Variants in LDLRAP1 observed in about 807,000 individuals in gnomAD.
The protein encoded by LDLRAP1 is low density lipoprotein receptor adaptor protein 1.
A neutral mutation model predicts 37.8 loss-of-function variants in LDLRAP1; 30 were observed. That is an observed-to-expected ratio of 0.79 (90% CI 0.59 to 1.08). The LOEUF (loss-of-function observed/expected upper bound fraction) is 1.08. Among genes scored for constraint, LDLRAP1 ranks in the 50% least tolerant of loss-of-function variants. The probability of loss-of-function intolerance (pLI) is 0.00; values close to 1 mark genes in which losing one functional copy is unlikely to be tolerated. For synonymous variants in LDLRAP1, 156 were observed against 169.8 expected, an observed-to-expected ratio of 0.92 and a Z score of 0.63; for missense variants, 375 against 401.6, an observed-to-expected ratio of 0.93 and a Z score of 0.57.
chr1:25,571,193 G>C (rs1372991535), downstream of LDLRAP1, among the ~76,000 whole-genome samples: 1 of 152,238 alleles, frequency 6.6e-6, no homozygotes, highest in Non-Finnish European at 1.5e-5. Flanking sequence ...GACACTGGAA[G>C]CTGCTGGCCA....
chr1:25,576,727 C>A, the LDLRAP1 span, among the ~76,000 whole-genome samples: 1 of 152,366 alleles, frequency 6.6e-6, no homozygotes, highest in African/African-American at 2.4e-5. Flanking sequence ...CCTAACCCAA[C>A]ACACCATCCA....
the LDLRAP1 span, among the ~76,000 whole-genome samples, chr1:25,582,933 G>A: frequency 7.1e-4 from 108 of 151,644 alleles, no homozygotes; most frequent in Admixed American, 1.2e-3. Flanking sequence ...TTAGCTAGGC[G>A]TGGTGACGCA....
the LDLRAP1 span, among the ~76,000 whole-genome samples, chr1:25,581,260 C>T: frequency 6.6e-6 from 1 of 152,124 alleles, no homozygotes; most frequent in Non-Finnish European, 1.5e-5. Flanking sequence ...ACTAGGAGGG[C>T]AGCTGAATTC....
rs146324847 is a variant in LDLRAP1 at position 25,563,647 on chromosome 1, C to G, written c.617-14C>G. 120 of 1,613,056 alleles carry G rather than the reference C, an allele frequency of 7.4e-5. 1 individual carries two copies. The African/African-American group carries it at 1.3e-3, about 18-fold the overall frequency. The stretch of plus-strand genomic sequence containing the variant: ...GCTGATCTCCCACTGACAACCTGAC[C>G]GGATCCCTCACAGTGGTCGCCACTG... On this transcript the variant is annotated splice_polypyrimidine_tract_variant and intron_variant, in intron 6 of 8. Coordinates refer to ENST00000374338, the MANE Select transcript of LDLRAP1 (RefSeq NM_015627.3).
In LDLRAP1 at chr1:25,567,289, G is replaced by A. The variant is rs532518921; in HGVS notation, c.*297G>A. ...GCGTGACATGTGCAGTGCTGTAATCGGCTCCCGCTTGCTCTCCTGGAGCAA... is the reference window on the plus strand; with the variant it reads ...GCGTGACATGTGCAGTGCTGTAATCAGCTCCCGCTTGCTCTCCTGGAGCAA... On this transcript the variant is annotated 3_prime_UTR_variant, in exon 9 of 9. Transcript: ENST00000374338. 8.7e-5 allele frequency: 40 copies of A among 460,692 alleles called. No individual in the cohort carries two copies. The highest frequency in any genetic ancestry group is 5.7e-4 in the African/African-American group (29 of 50,592). 28.5% of individuals were successfully genotyped at this position (460,692 alleles called of 1,614,324 possible).
At chr1:25,559,759 T>C (rs1572045411) in intron 4 of LDLRAP1, among the ~76,000 whole-genome samples, 2 of 152,286 alleles carry the variant, frequency 1.3e-5, no homozygotes, top group East Asian at 3.9e-4. Context: ...TCCTAGATTC[T>C]TGGGCTAAGT....
chr1:25,566,749 CAT>C, intron 8 of LDLRAP1, 97 bp from the exon 9 acceptor site: 1 of 1,447,346 alleles, frequency 6.9e-7, no homozygotes. Context: ...CTTCTTGGGC[CAT>C]GTGCCCTGCT....
chr1:25,584,130 C>T, the LDLRAP1 span, among the ~76,000 whole-genome samples: 1 of 152,078 alleles, frequency 6.6e-6, no homozygotes, highest in African/African-American at 2.4e-5. Flanking sequence ...GGTGTCTGAA[C>T]GCTGGCTCTG....
At position 25,566,993 on chromosome 1, in the gene LDLRAP1, G is replaced by C. The variant is rs1269086403; in HGVS notation, c.*1G>C. ...GCAGGATGACCTCTTCAGCTTCTGAGGGCCCGGGGCCAGCCGGACACAAGC... is the reference window on the plus strand; with the variant it reads ...GCAGGATGACCTCTTCAGCTTCTGACGGCCCGGGGCCAGCCGGACACAAGC... On this transcript the variant is annotated 3_prime_UTR_variant, in exon 9 of 9. Coordinates refer to ENST00000374338, the MANE Select transcript of LDLRAP1 (RefSeq NM_015627.3). 1 of 1,613,134 alleles carries C rather than the reference G, an allele frequency of 6.2e-7. No homozygotes were observed.
chr1:25,582,620 A>G, the LDLRAP1 span, among the ~76,000 whole-genome samples: 1 of 151,990 alleles, frequency 6.6e-6, no homozygotes, highest in Non-Finnish European at 1.5e-5. Context: ...GACTTTTTAA[A>G]GTATACAGTT....
rs763491130 is a variant in LDLRAP1, at chr1:25,554,897, T to A, written c.269T>A (p.Leu90Gln). The A allele has an allele frequency of 6.2e-7, 1 of 1,614,214 alleles. No homozygotes were observed. Among genetic ancestry groups the A allele is most frequent in the Non-Finnish European group, 8.5e-7 (1 of 1,180,018 alleles). ...GGGAAGAAGCTGCAGAAGGTGACTC[T>A]GAAGGTGTCGCCACGGGGAATTATC... The part of the protein sequence containing the change: ...ASGKKLQKVT[L>Q]KVSPRGIILT... The change falls in exon 3 of 9, where the codon CTG becomes CAG. Residue 90 changes from leucine to glutamine, a missense_variant. Physicochemically the swap from Leu to Gln is moderately radical, Grantham distance 113. Transcript: ENST00000374338. The surrounding 1 kb of genome is among the most constrained non-coding windows in gnomAD (Gnocchi z 5.4).
chr1:25,554,748 C>A lies in LDLRAP1; in HGVS notation c.232-112C>A. On this transcript the variant is annotated intron_variant, in intron 2 of 8. Coordinates refer to ENST00000374338, the MANE Select transcript of LDLRAP1 (RefSeq NM_015627.3). This position sits in a 1 kb window ranked among gnomAD's most constrained non-coding sequence, Gnocchi z 5.4. ...GTCTTGCCCACACTGCTGCCAGTCA[C>A]CTGAGCTGAGATGGGCCCCGTGCCT... 2.5e-6 allele frequency: 2 copies of A among 810,964 alleles called. No homozygotes were observed. Among genetic ancestry groups the A allele is most frequent in the Non-Finnish European group, 4.2e-6 (2 of 479,890 alleles). The allele number at this position is 810,964 out of a possible 1,614,324, so 50.2% of individuals were successfully genotyped here. A position where few individuals can be genotyped will look rare whatever the true frequency, so the allele number is the denominator to read the frequency against.
rs74060931 is a variant in LDLRAP1, at chr1:25,557,329, G to C, written c.459+62G>C. 0.01 allele frequency: 13,967 copies of C among 1,337,174 alleles called. 1,079 individuals are homozygous for C. In the African/African-American group the frequency reaches 0.17, roughly 16 times the overall value. 82.8% of individuals were successfully genotyped at this position (1,337,174 alleles called of 1,614,324 possible). A position where few individuals can be genotyped will look rare whatever the true frequency, so the allele number is the denominator to read the frequency against. On this transcript the variant is annotated intron_variant, in intron 4 of 8. Transcript: ENST00000374338. ...TGGCCTTGGCAGCCTTGCTCTGGGT[G>C]GGGGGCTGTCTGGTGTGGGAGGCAG...
At chr1:25,588,658 C>A in the LDLRAP1 span, among the ~76,000 whole-genome samples, 1 of 152,212 alleles carries the variant, frequency 6.6e-6, no homozygotes, top group Non-Finnish European at 1.5e-5. Flanking sequence ...ACTAAGGGAA[C>A]CCAGAGGCCG....
chr1:25,560,248 A>T (rs1454644859), intron 4 of LDLRAP1, among the ~76,000 whole-genome samples: 1 of 152,080 alleles, frequency 6.6e-6, no homozygotes, highest in Non-Finnish European at 1.5e-5. Context: ...TTGAATCGGG[A>T]TGTTGACAAA....
At chr1:25,548,242 A>G (rs2043984198) in intron 1 of LDLRAP1, among the ~76,000 whole-genome samples, 1 of 151,134 alleles carries the variant, frequency 6.6e-6, no homozygotes, top group Admixed American at 6.6e-5. Context: ...AGTAGCTCAC[A>G]CTTGTGATAC....
intron 1 of LDLRAP1, chr1:25,553,626 C>T (rs572277015): frequency 1.4e-5 from 6 of 416,258 alleles, no homozygotes; most frequent in South Asian, 1.3e-4. Flanking sequence ...CTGAGGCGGG[C>T]AGATCACTTG....
At chr1:25,551,952 C>G (rs900406635) in intron 1 of LDLRAP1, among the ~76,000 whole-genome samples, 1 of 152,182 alleles carries the variant, frequency 6.6e-6, no homozygotes, top group African/African-American at 2.4e-5. Flanking sequence ...ATGAGGGGAA[C>G]TGGGTACATC....
At chr1:25,589,899 G>A in the LDLRAP1 span, among the ~76,000 whole-genome samples, 4 of 152,190 alleles carry the variant, frequency 2.6e-5, no homozygotes, top group African/African-American at 4.8e-5. Context: ...TCAAGAGATC[G>A]AGGCCATCCT....
Sources: allele counts gnomAD v4.1 joint callset (sites outside exome capture counted in the v4.1 genomes callset), GRCh38; gene constraint gnomAD v4.1.1; non-coding constraint Gnocchi (gnomAD v3.1); transcripts MANE v1.5; gene names NCBI Gene and HGNC (gene_info 2026-07-23, HGNC 2026-07-21).